ZNF407: variants seen among roughly 807,000 people sequenced by gnomAD.
The protein encoded by ZNF407 is zinc finger protein 407.
A neutral mutation model predicts 131.2 loss-of-function variants in ZNF407; 17 were observed. The ratio of observed to expected loss-of-function variants is 0.13; its 90% CI spans 0.09 to 0.19. The LOEUF (loss-of-function observed/expected upper bound fraction) is 0.19, where lower values mean the gene tolerates loss of function less well. Ranked by LOEUF, ZNF407 falls within the 10% of genes least tolerant of loss-of-function variation. The probability of loss-of-function intolerance (pLI) is 1.00; values close to 1 mark genes in which losing one functional copy is unlikely to be tolerated. For missense variants in ZNF407, 2,681 were observed against 2,830.6 expected (o/e 0.95, Z 1.20); for synonymous variants, 1,156 against 1,062.0 (o/e 1.09, Z -1.72).
At chr18:74,842,718 C>CTATT (rs893723120) in intron 4 of ZNF407, among the ~76,000 whole-genome samples, 3 of 151,758 alleles carry the variant, frequency 2.0e-5, no homozygotes, top group Non-Finnish European at 4.4e-5. Flanking sequence ...TTCGGCTATG[C>CTATT]TATTTATTTA....
chr18:74,980,331 G>A (rs941091539), intron 8 of ZNF407, among the ~76,000 whole-genome samples: 14 of 151,212 alleles, frequency 9.3e-5, no homozygotes, highest in African/African-American at 2.7e-4. Flanking sequence ...TTTTGAGACG[G>A]AGTTTCGCTC....
At chr18:75,007,933 G>A (rs958890481) in intron 8 of ZNF407, among the ~76,000 whole-genome samples, 11 of 152,144 alleles carry the variant, frequency 7.2e-5, no homozygotes, top group Non-Finnish European at 7.4e-5. Context: ...GCTAAATTTC[G>A]AAAGTGGTTT....
At chr18:74,734,177 A>G (rs973225746) in intron 3 of ZNF407, among the ~76,000 whole-genome samples, 1 of 152,096 alleles carries the variant, frequency 6.6e-6, no homozygotes, top group Non-Finnish European at 1.5e-5. Flanking sequence ...GCAGAAGGAA[A>G]CCAGTAAATC....
Position 74,634,954 on chromosome 18 carries a change from CACA to C in ZNF407, c.3939_3941del (p.Gln1313del). On this transcript the variant is annotated inframe_deletion, in exon 2 of 9. Transcript: ENST00000299687. The stretch of plus-strand genomic sequence containing the variant: ...GGGAATAAGGAAATTCTGATGAATT[CACA>C]ACATGAAACAGAATTTATTTTGGAG... The C allele has an allele frequency of 1.2e-6, 2 of 1,613,972 alleles. No homozygotes were observed. Among genetic ancestry groups the C allele is most frequent in the South Asian group, 2.2e-5 (2 of 91,080 alleles).
intron 3 of ZNF407, among the ~76,000 whole-genome samples, chr18:74,708,353 G>T (rs1967676181): frequency 6.6e-6 from 1 of 152,166 alleles, no homozygotes; most frequent in African/African-American, 2.4e-5. Context: ...GCATGTATAG[G>T]TTTATACCAT....
At chr18:74,989,302 A>G (rs1165379215) in intron 8 of ZNF407, among the ~76,000 whole-genome samples, 2 of 152,232 alleles carry the variant, frequency 1.3e-5, no homozygotes, top group Non-Finnish European at 2.9e-5. Context: ...GTGGGAGGTT[A>G]CTGACTACAG....
chr18:74,613,380 C>G (rs539728907), intron 1 of ZNF407, among the ~76,000 whole-genome samples: 175 of 152,248 alleles, frequency 1.1e-3, no homozygotes, highest in African/African-American at 3.9e-3. Flanking sequence ...ATAGGAAAAA[C>G]AAAAAGATGA....
intron 3 of ZNF407, among the ~76,000 whole-genome samples, chr18:74,743,631 T>C (rs576564642): frequency 3.3e-5 from 5 of 151,814 alleles, no homozygotes; most frequent in African/African-American, 1.2e-4. Context: ...CCCTAATTGG[T>C]ATTCATACAG....
In ZNF407 at chr18:74,866,065, C is replaced by T. The variant is rs575597073; in HGVS notation, c.4878-11132C>T. On this transcript the variant is annotated intron_variant, in intron 4 of 8. Transcript: ENST00000299687. Reference sequence around the variant, plus strand: ...ATCTTTGTATTTTCCCTTGAACTTACGATTTACCAAGGAACAAATAACTCC... The same window carrying T: ...ATCTTTGTATTTTCCCTTGAACTTATGATTTACCAAGGAACAAATAACTCC... Among the ~76,000 whole-genome samples the T allele has an allele frequency of 8.0e-4, 122 of 152,234 alleles. 1 individual carries two copies. The highest frequency in any genetic ancestry group is 2.4e-3 in the African/African-American group (100 of 41,534).
chr18:74,910,698 T>C (rs547638264), intron 7 of ZNF407, among the ~76,000 whole-genome samples: 7 of 152,298 alleles, frequency 4.6e-5, no homozygotes, highest in South Asian at 4.1e-4. Context: ...AATACCACCC[T>C]CAGTTTCCCA....
chr18:74,783,765 C>T (rs1012336195), intron 4 of ZNF407, among the ~76,000 whole-genome samples: 1 of 152,154 alleles, frequency 6.6e-6, no homozygotes, highest in African/African-American at 2.4e-5. Context: ...AGCACACCCA[C>T]CTTCTGGATC....
intron 8 of ZNF407, among the ~76,000 whole-genome samples, chr18:74,929,465 GA>G (rs1187549600): frequency 2.6e-5 from 4 of 152,110 alleles, no homozygotes; most frequent in African/African-American, 9.7e-5. Flanking sequence ...AATTTTAAGG[GA>G]AAAAATTGAT....
chr18:74,904,303 A>G (rs962775611), intron 7 of ZNF407, among the ~76,000 whole-genome samples: 1 of 152,234 alleles, frequency 6.6e-6, no homozygotes, highest in Non-Finnish European at 1.5e-5. Flanking sequence ...TTTCTCACGC[A>G]CTTTCTCTTC....
intron 3 of ZNF407, among the ~76,000 whole-genome samples, chr18:74,776,876 A>G (rs1204792522): frequency 5.3e-5 from 8 of 152,190 alleles, no homozygotes; most frequent in African/African-American, 7.2e-5. Flanking sequence ...GAAAATGTGT[A>G]TATTTAGTAT....
intron 4 of ZNF407, among the ~76,000 whole-genome samples, chr18:74,802,577 T>A (rs556280242): frequency 3.9e-4 from 59 of 152,296 alleles, no homozygotes; most frequent in African/African-American, 1.4e-3. Flanking sequence ...TTCAGAGAAA[T>A]TTCTAATTTG....
intron 3 of ZNF407, among the ~76,000 whole-genome samples, chr18:74,756,183 C>T (rs936240666): frequency 3.3e-5 from 5 of 152,048 alleles, no homozygotes; most frequent in South Asian, 2.1e-4. Context: ...TGAGCCACAG[C>T]GCCTGGCCAT....
At chr18:74,606,120 T>G (rs975457658) in intron 1 of ZNF407, among the ~76,000 whole-genome samples, 7 of 152,232 alleles carry the variant, frequency 4.6e-5, no homozygotes. Flanking sequence ...TGAAGAGCTT[T>G]TCCAGAAAAT....
chr18:74,943,503 A>G (rs1972123113), intron 8 of ZNF407, among the ~76,000 whole-genome samples: 1 of 152,222 alleles, frequency 6.6e-6, no homozygotes, highest in South Asian at 2.1e-4. Flanking sequence ...AGAAATGCAT[A>G]TACTGAAAAG....
At position 74,631,166 on chromosome 18, in the gene ZNF407, C is replaced by A. The variant is rs1448407959; in HGVS notation, c.147C>A (p.Gly49=). The change falls in exon 2 of 9, where the codon GGC becomes GGA. Residue 49 remains glycine (G), a synonymous_variant. Transcript: ENST00000299687. ...CAAGTTTCCCTGAGAATTCTATGGG[C>A]AAAAGAGGTTTTTCAGAATCATCGA... is the stretch of plus-strand genomic sequence containing the variant. ...VIASFPENSM[G]KRGFSESSNS... 6.2e-7 allele frequency: 1 copy of A among 1,613,792 alleles called. No homozygotes were observed.
Sources: gnomAD v4.1 joint callset for allele counts (sites outside exome capture counted in the v4.1 genomes callset) on GRCh38, gnomAD v4.1.1 for gene constraint, MANE v1.5 for transcripts, NCBI Gene and HGNC (gene_info 2026-07-23, HGNC 2026-07-21) for gene names.